The following BROX variants were observed in gnomAD, a reference collection of about 807,000 sequenced individuals.
The protein encoded by BROX is BRO1 domain-containing protein BROX.
A neutral mutation model predicts 61.0 loss-of-function variants in BROX; 53 were observed. That is an observed-to-expected ratio of 0.87 (90% CI 0.70 to 1.09). The LOEUF is 1.09. Ranked by LOEUF, BROX falls within the 50% of genes least tolerant of loss-of-function variation. The pLI is 0.00. For synonymous variants in BROX, 152 were observed against 160.2 expected (o/e 0.95, Z 0.38); for missense variants, 489 against 472.0 (o/e 1.04, Z -0.33).
chr1:222,726,585 C>T (rs546304138), intron 7 of BROX, among the ~76,000 whole-genome samples: 35 of 152,182 alleles, frequency 2.3e-4, no homozygotes, highest in East Asian at 1.4e-3. Context: ...GGCATGGTGG[C>T]GTATGCCTGC....
In BROX at chr1:222,725,551, AG is replaced by A. The variant is rs774190240; in HGVS notation, c.577del (p.Glu193LysfsTer2). Reference protein sequence around the residue: ...YVIQCQAEAQEVTIARAIELK... With the variant: ...YVIQCQAEAQXVTIARAIELK... ...TTATTCAATGTCAGGCTGAAGCTCA[AG>A]AAGGTATCCTAAATATTGTAAGATT... On this transcript the variant is annotated frameshift_variant, in exon 7 of 13. Transcript: ENST00000340934. LOFTEE classifies it high-confidence loss of function. 6.3e-7 allele frequency: 1 copy of A among 1,594,456 alleles called. No homozygotes were observed. Among genetic ancestry groups the A allele is most frequent in the Admixed American group, 1.8e-5 (1 of 56,916 alleles).
chr1:222,728,669 C>A, intron 8 of BROX, 74 bp from the exon 9 acceptor site: 1 of 916,614 alleles, frequency 1.1e-6, no homozygotes, highest in Non-Finnish European at 1.7e-6. Flanking sequence ...CTTTTATCAT[C>A]AGAACACATG....
chr1:222,732,545 T>A, intron 12 of BROX, 83 bp from the exon 13 acceptor site: 1 of 962,668 alleles, frequency 1.0e-6, no homozygotes, highest in South Asian at 1.6e-5. Flanking sequence ...TAGCATCTTT[T>A]AAAAGTCTGA....
Position 222,718,998 on chromosome 1 carries a change from A to G in BROX, c.175A>G (p.Asn59Asp). 3 of 1,613,696 alleles carry G rather than the reference A, an allele frequency of 1.9e-6. No homozygotes were observed. Among genetic ancestry groups the G allele is most frequent in the Non-Finnish European group, 2.5e-6 (3 of 1,179,808 alleles). The change falls in exon 3 of 13, where the codon AAT becomes GAT. Residue 59 changes from asparagine to aspartate, a missense_variant. By Grantham distance (23) the Asn-to-Asp change is conservative. Transcript: ENST00000340934. ...DLSCNPEMMK[N>D]AADSYFSLLQ... is the part of the protein sequence containing the mutation. ...GAGCTGTAATCCAGAAATGATGAAG[A>G]ATGCAGCAGATTCATATTTCTCACT... is the stretch of plus-strand genomic sequence containing the variant.
intron 9 of BROX, among the ~76,000 whole-genome samples, chr1:222,729,219 A>C (rs1441045803): frequency 2.6e-5 from 4 of 152,196 alleles, no homozygotes; most frequent in African/African-American, 9.6e-5. Context: ...GTTACGTATC[A>C]GTCTGTTATA....
chr1:222,716,548 G>T (rs1288876321), intron 2 of BROX, among the ~76,000 whole-genome samples: 2 of 152,208 alleles, frequency 1.3e-5, no homozygotes, highest in African/African-American at 4.8e-5. Flanking sequence ...TTAGATCAGG[G>T]GTTGGCGAAC....
In BROX at chr1:222,735,167, T is replaced by C. The variant is rs1658202587; in HGVS notation, c.*2453T>C. 1 of 152,220 alleles carries C rather than the reference T, an allele frequency of 6.6e-6. No individual in the cohort carries two copies. The highest frequency in any genetic ancestry group is 1.5e-5 in the Non-Finnish European group (1 of 68,026). The allele number at this position is 152,220 out of a possible 1,614,324, so 9.4% of individuals were successfully genotyped here. A position where few individuals can be genotyped will look rare whatever the true frequency, so the allele number is the denominator to read the frequency against. On this transcript the variant is annotated 3_prime_UTR_variant, in exon 13 of 13. Coordinates refer to ENST00000340934, the MANE Select transcript of BROX (RefSeq NM_144695.4). ...TGGGTTGTCTTTTTATTTATGAAAA[T>C]AAAAGTAATTTTACTTACAATTTCA...
Position 222,712,618 on chromosome 1 carries a change from AG to A in BROX, c.-337del. 1 of 1,336,570 alleles carries A rather than the reference AG, an allele frequency of 7.5e-7. No individual in the cohort carries two copies. Among genetic ancestry groups the A allele is most frequent in the Non-Finnish European group, 9.8e-7 (1 of 1,022,894 alleles). The allele number at this position is 1,336,570 out of a possible 1,614,324, so 82.8% of individuals were successfully genotyped here. A position where few individuals can be genotyped will look rare whatever the true frequency, so the allele number is the denominator to read the frequency against. Reference sequence around the variant, plus strand: ...GGCATTCTCCCTCGGCTCCGGAGGTAGGGGCAACTCTTCTCTTCCTGTCTGG... The same window carrying A: ...GGCATTCTCCCTCGGCTCCGGAGGTAGGGCAACTCTTCTCTTCCTGTCTGG... On this transcript the variant is annotated 5_prime_UTR_variant, in exon 1 of 13. Coordinates refer to ENST00000340934, the MANE Select transcript of BROX (RefSeq NM_144695.4).
chr1:222,725,221 A>G (rs574680970), intron 6 of BROX, among the ~76,000 whole-genome samples: 1 of 152,318 alleles, frequency 6.6e-6, no homozygotes, highest in East Asian at 1.9e-4. Flanking sequence ...ATCATGACTT[A>G]AATTTTGCTC....
chr1:222,727,618 C>G (rs1657605716), intron 8 of BROX, among the ~76,000 whole-genome samples: 1 of 152,144 alleles, frequency 6.6e-6, no homozygotes, highest in African/African-American at 2.4e-5. Context: ...TAGAACACAG[C>G]TCCTGTGATA....
Position 222,725,476 on chromosome 1 carries a change from A to G in BROX, c.501A>G (p.Thr167=). 2 of 1,612,184 alleles carry G rather than the reference A, an allele frequency of 1.2e-6. No homozygotes were observed. The highest frequency in any genetic ancestry group is 1.1e-5 in the South Asian group (1 of 90,696). Residue 167 remains threonine (T), a synonymous_variant, in exon 7 of 13, where the codon ACA becomes ACG. Transcript: ENST00000340934. ...AAAGTCATCTCCCAAAACTCATTAC[A>G]CCTGCGGAAAAAGGAAGAGATTTAG... ...LKESHLPKLI[T]PAEKGRDLES...
chr1:222,712,639 G>C lies in BROX; in HGVS notation c.-320G>C. 7.6e-7 allele frequency: 1 copy of C among 1,321,924 alleles called. No homozygotes were observed. The highest frequency in any genetic ancestry group is 9.9e-7 in the Non-Finnish European group (1 of 1,009,476). The allele number at this position is 1,321,924 out of a possible 1,614,324, so 81.9% of individuals were successfully genotyped here. A position where few individuals can be genotyped will look rare whatever the true frequency, so the allele number is the denominator to read the frequency against. On this transcript the variant is annotated 5_prime_UTR_variant, in exon 1 of 13. Coordinates refer to ENST00000340934, the MANE Select transcript of BROX (RefSeq NM_144695.4). ...AGGTAGGGGCAACTCTTCTCTTCCT[G>C]TCTGGGAAAAAGACCATAGCTCAAA...
intron 1 of BROX, among the ~76,000 whole-genome samples, chr1:222,714,300 C>T (rs1656366851): frequency 6.6e-6 from 1 of 150,862 alleles, no homozygotes; most frequent in South Asian, 2.1e-4. Context: ...CAAGCTCCGC[C>T]TCCTGGGTTC....
intron 10 of BROX, 67 bp downstream of exon 10, chr1:222,729,768 A>G: frequency 6.9e-7 from 1 of 1,450,798 alleles, no homozygotes; most frequent in Non-Finnish European, 9.5e-7. Context: ...AAAAGGGAAT[A>G]TATGCTTAAA....
chr1:222,717,090 T>A (rs961700764), intron 2 of BROX, among the ~76,000 whole-genome samples: 6 of 152,248 alleles, frequency 3.9e-5, no homozygotes, highest in African/African-American at 1.4e-4. Context: ...AAACCAATGG[T>A]CATCAAACTT....
chr1:222,720,241 TTATA>T (rs1178639434), intron 4 of BROX, among the ~76,000 whole-genome samples: 2 of 152,196 alleles, frequency 1.3e-5, no homozygotes, highest in Non-Finnish European at 2.9e-5. Context: ...AGTACTAGGC[TTATA>T]AGACATTCAT....
intron 7 of BROX, among the ~76,000 whole-genome samples, chr1:222,726,836 G>A (rs1157809549): frequency 6.6e-6 from 1 of 152,152 alleles, no homozygotes; most frequent in Non-Finnish European, 1.5e-5. Flanking sequence ...AGTAAGCCAT[G>A]ATCAAGCCAC....
chr1:222,719,104 C>A, intron 3 of BROX, 73 bp downstream of exon 3: 1 of 1,401,122 alleles, frequency 7.1e-7, no homozygotes, highest in Non-Finnish European at 1.0e-6. Context: ...TTTGACTTTT[C>A]AAATTTGATT....
rs1571995615 is a variant in BROX at position 222,733,954 on chromosome 1, C to G, written c.*1240C>G. 1 of 152,288 alleles carries G rather than the reference C, an allele frequency of 6.6e-6. No individual in the cohort carries two copies. Among genetic ancestry groups the G allele is most frequent in the East Asian group, 1.9e-4 (1 of 5,186 alleles). 9.4% of individuals were successfully genotyped at this position (152,288 alleles called of 1,614,324 possible). A position where few individuals can be genotyped will look rare whatever the true frequency, so the allele number is the denominator to read the frequency against. On this transcript the variant is annotated 3_prime_UTR_variant, in exon 13 of 13. Coordinates refer to ENST00000340934, the MANE Select transcript of BROX (RefSeq NM_144695.4). ...AAGTTATAGTAAGATGCCTTTGTTACCTGATTTCAGTGTACATTGTTTTTA... is the reference window on the plus strand; with the variant it reads ...AAGTTATAGTAAGATGCCTTTGTTAGCTGATTTCAGTGTACATTGTTTTTA...
Sources: allele counts gnomAD v4.1 joint callset (sites outside exome capture counted in the v4.1 genomes callset), GRCh38; gene constraint gnomAD v4.1.1; transcripts MANE v1.5; gene names NCBI Gene and HGNC (gene_info 2026-07-23, HGNC 2026-07-21).